Variants in PI4KA observed in about 807,000 individuals in gnomAD.
PI4KA encodes the protein phosphatidylinositol 4-kinase alpha.
Under a neutral mutation model 271.4 loss-of-function variants are expected in PI4KA, and 122 were observed. That is an observed-to-expected ratio of 0.45 (90% CI 0.39 to 0.52). The LOEUF (loss-of-function observed/expected upper bound fraction) is 0.52, where lower values mean the gene tolerates loss of function less well. Ranked by LOEUF, PI4KA falls within the 20% of genes least tolerant of loss-of-function variation. The pLI is 0.00. For synonymous variants in PI4KA, 1,041 were observed against 1,078.8 expected (o/e 0.96, Z 0.69); for missense variants, 1,969 against 2,769.1 (o/e 0.71, Z 6.48).
chr22:20,761,256 C>G (rs755541140), intron 23 of PI4KA, 48 bp downstream of exon 23: 15 of 1,072,372 alleles, frequency 1.4e-5, no homozygotes, highest in Non-Finnish European at 1.9e-5. Flanking sequence ...GCCTTTTTAC[C>G]CTATTAAAGC....
Position 20,785,267 on chromosome 22 carries a change from G to A in PI4KA, c.2328+7926C>T, listed in dbSNP as rs370331489. On this transcript the variant is annotated intron_variant, in intron 19 of 54. Transcript: ENST00000255882. Reference sequence around the variant, plus strand: ...CTTTTTTTGGTAGAGATGAGGTCTCGCTGTGTTGCCCAGGCTGGTCTTGAA... The same window carrying A: ...CTTTTTTTGGTAGAGATGAGGTCTCACTGTGTTGCCCAGGCTGGTCTTGAA... Among the ~76,000 whole-genome samples, 16 of 152,182 alleles carry A rather than the reference G, an allele frequency of 1.1e-4. No homozygotes were observed. In the South Asian group the frequency reaches 2.9e-3, roughly 28 times the overall value.
intron 22 of PI4KA, among the ~76,000 whole-genome samples, chr22:20,764,384 C>T (rs557867985): frequency 1.3e-4 from 20 of 152,320 alleles, no homozygotes; most frequent in African/African-American, 4.3e-4. Flanking sequence ...TCCTGAGCAT[C>T]GGGCCACATG....
rs374179704 is a variant in PI4KA, at chr22:20,855,640, G to A, written c.156+2930C>T. ...GGCTTCCTTATGTTCTCTCCCTCCT[G>A]TGAGGATATACATCAAGCTTGCTCC... On this transcript the variant is annotated intron_variant, in intron 1 of 54. Coordinates refer to ENST00000255882, the MANE Select transcript of PI4KA (RefSeq NM_058004.4). Among the ~76,000 whole-genome samples, 16 of 152,304 alleles carry A rather than the reference G, an allele frequency of 1.1e-4. No individual in the cohort carries two copies. In the South Asian group the frequency reaches 2.9e-3, roughly 28 times the overall value.
intron 19 of PI4KA, among the ~76,000 whole-genome samples, chr22:20,786,464 G>T (rs1430175632): frequency 6.6e-6 from 1 of 152,192 alleles, no homozygotes; most frequent in Non-Finnish European, 1.5e-5. Context: ...GCCAAATCAT[G>T]AAAGAGCCAT....
chr22:20,727,233 A>C lies in PI4KA; in HGVS notation c.4938T>G (p.Pro1646=). 1 of 1,611,914 alleles carries C rather than the reference A, an allele frequency of 6.2e-7. No homozygotes were observed. Among genetic ancestry groups the C allele is most frequent in the South Asian group, 1.1e-5 (1 of 90,914 alleles). The change falls in exon 41 of 55, where the codon CCT becomes CCG. Residue 1646 remains proline, a synonymous_variant. Transcript: ENST00000255882. The part of the protein sequence containing the change: ...QYGVKVLRSF[P]PDAILFYIPQ... ...CTCAGCAGGGCCCTGGGCTCACCGG[A>C]GGGAAGGACCGCAGGACTTTCACCC...
chr22:20,723,145 C>T (rs1407472498), intron 42 of PI4KA, among the ~76,000 whole-genome samples: 2 of 151,636 alleles, frequency 1.3e-5, no homozygotes, highest in African/African-American at 4.8e-5. Context: ...CTCAGCCTCC[C>T]GAGTAGCTGG....
chr22:20,737,769 T>C (rs1928915205), intron 32 of PI4KA, among the ~76,000 whole-genome samples: 2 of 151,982 alleles, frequency 1.3e-5, no homozygotes, highest in Non-Finnish European at 2.9e-5. Flanking sequence ...GTAGCTGGGA[T>C]TACAGGCACA....
At chr22:20,835,213 C>T (rs1213138355) in intron 2 of PI4KA, among the ~76,000 whole-genome samples, 1 of 152,006 alleles carries the variant, frequency 6.6e-6, no homozygotes, top group East Asian at 1.9e-4. Context: ...CAACTTTAGC[C>T]CAGTGAAAAA....
intron 2 of PI4KA, among the ~76,000 whole-genome samples, chr22:20,835,667 G>C (rs569099852): frequency 8.5e-5 from 13 of 152,140 alleles, no homozygotes; most frequent in Admixed American, 7.2e-4. Flanking sequence ...GGGAGGTGAA[G>C]ACTGCAGTAA....
At chr22:20,728,896 G>A (rs1927673125) in intron 39 of PI4KA, among the ~76,000 whole-genome samples, 1 of 152,196 alleles carries the variant, frequency 6.6e-6, no homozygotes, top group Non-Finnish European at 1.5e-5. Flanking sequence ...GAATGTCACT[G>A]CTGTCTGCAG....
intron 3 of PI4KA, among the ~76,000 whole-genome samples, chr22:20,832,316 C>T (rs911096343): frequency 1.3e-5 from 2 of 151,946 alleles, no homozygotes; most frequent in Non-Finnish European, 2.9e-5. Context: ...GGGGTTTCAT[C>T]ACCTTGGCAA....
intron 3 of PI4KA, among the ~76,000 whole-genome samples, chr22:20,827,265 G>A (rs891332601): frequency 7.2e-5 from 11 of 152,128 alleles, no homozygotes; most frequent in Non-Finnish European, 8.8e-5. Flanking sequence ...CCAATCTTCC[G>A]AATATAGCTA....
At chr22:20,716,893 CCG>C (rs562176928) in intron 45 of PI4KA, among the ~76,000 whole-genome samples, 2 of 152,216 alleles carry the variant, frequency 1.3e-5, no homozygotes, top group Non-Finnish European at 2.9e-5. Flanking sequence ...CTGAGACCAG[CCG>C]CTGTGAACAT....
At chr22:20,714,843 G>A in intron 45 of PI4KA, 143 bp from the exon 46 acceptor site, 2 of 953,388 alleles carry the variant, frequency 2.1e-6, no homozygotes, top group Non-Finnish European at 3.1e-6. Context: ...CCTTGTCCAG[G>A]GCACCACTAA....
rs1481756392 is a variant in PI4KA at position 20,831,901 on chromosome 22, T to C, written c.367+2661A>G. ...ATTGGGAAAATACTCATGGATAATA[T>C]CCTGAAATACGTTTTCCAAGTTGCT... On this transcript the variant is annotated intron_variant, in intron 3 of 54. Coordinates refer to ENST00000255882, the MANE Select transcript of PI4KA (RefSeq NM_058004.4). Among the ~76,000 whole-genome samples the C allele has an allele frequency of 2.6e-5, 4 of 152,196 alleles. No homozygotes were observed. The South Asian group carries it at 8.3e-4, about 32-fold the overall frequency.
At position 20,727,195 on chromosome 22, in the gene PI4KA, TA is replaced by T. The variant is rs769146832; in HGVS notation, c.4941+34del. The T allele has an allele frequency of 3.8e-5, 60 of 1,593,286 alleles. No individual in the cohort carries two copies. The African/African-American group carries it at 7.3e-4, about 19-fold the overall frequency. On this transcript the variant is annotated intron_variant, in intron 41 of 54. Coordinates refer to ENST00000255882, the MANE Select transcript of PI4KA (RefSeq NM_058004.4). ...CAGGTAAGACCCCTCCCAACAGTCC[TA>T]CCAGAGGCCAGCTCAGCAGGGCCCT...
intron 15 of PI4KA, 134 bp from the exon 16 acceptor site, chr22:20,799,410 C>A (rs1021938404): frequency 1.1e-6 from 1 of 911,166 alleles, no homozygotes; most frequent in Non-Finnish European, 1.6e-6. Flanking sequence ...AACTGACAGC[C>A]CAGGATTTTA....
intron 10 of PI4KA, among the ~76,000 whole-genome samples, chr22:20,805,599 G>A (rs866366493): frequency 5.9e-5 from 9 of 152,034 alleles, no homozygotes; most frequent in Non-Finnish European, 1.0e-4. Flanking sequence ...TTGGGAGGCC[G>A]AGGCGGGCAG....
intron 10 of PI4KA, among the ~76,000 whole-genome samples, chr22:20,806,243 G>A (rs1009261228): frequency 6.6e-6 from 1 of 152,246 alleles, no homozygotes; most frequent in African/African-American, 2.4e-5. Context: ...TCAACAGTGT[G>A]AGGGGAGAGC....
Sources: allele counts gnomAD v4.1 joint callset (sites outside exome capture counted in the v4.1 genomes callset), GRCh38; gene constraint gnomAD v4.1.1; transcripts MANE v1.5; gene names NCBI Gene and HGNC (gene_info 2026-07-23, HGNC 2026-07-21).